HS6ST3: variants seen among roughly 807,000 people sequenced by gnomAD.
The protein encoded by HS6ST3 is heparan-sulfate 6-O-sulfotransferase 3.
HS6ST3 carries 12 observed loss-of-function variants against 36.7 expected under a neutral mutation model. The ratio of observed to expected loss-of-function variants is 0.33; its 90% CI spans 0.21 to 0.53. The LOEUF (loss-of-function observed/expected upper bound fraction) is 0.53, where lower values mean the gene tolerates loss of function less well. Ranked by LOEUF, HS6ST3 falls within the 20% of genes least tolerant of loss-of-function variation. HS6ST3 has a pLI of 0.95. For synonymous variants in HS6ST3, 240 were observed against 257.5 expected, an observed-to-expected ratio of 0.93 and a Z score of 0.65; for missense variants, 584 against 640.9, an observed-to-expected ratio of 0.91 and a Z score of 0.96.
At chr13:96,518,125 T>C (rs967509660) in intron 1 of HS6ST3, among the ~76,000 whole-genome samples, 2 of 152,198 alleles carry the variant, frequency 1.3e-5, no homozygotes, top group African/African-American at 4.8e-5. Flanking sequence ...CATGCACCTT[T>C]CTTAAAGGCA....
At chr13:96,351,316 C>T (rs2055182322) in intron 1 of HS6ST3, among the ~76,000 whole-genome samples, 1 of 77,422 alleles carries the variant, frequency 1.3e-5, no homozygotes. Flanking sequence ...GGGAAGGTGG[C>T]AGTCTTTTTT....
intron 1 of HS6ST3, among the ~76,000 whole-genome samples, chr13:96,771,629 T>G (rs1352480473): frequency 6.6e-6 from 1 of 152,132 alleles, no homozygotes; most frequent in Non-Finnish European, 1.5e-5. Flanking sequence ...AAATGTGCGT[T>G]ATTTCCTCTT....
chr13:96,700,797 T>C (rs959317113), intron 1 of HS6ST3, among the ~76,000 whole-genome samples: 1 of 152,150 alleles, frequency 6.6e-6, no homozygotes, highest in African/African-American at 2.4e-5. Flanking sequence ...ATTTGCAAAA[T>C]TGTTTCCTTC....
intron 1 of HS6ST3, among the ~76,000 whole-genome samples, chr13:96,099,021 GC>G (rs1341190294): frequency 6.6e-6 from 1 of 152,126 alleles, no homozygotes; most frequent in Non-Finnish European, 1.5e-5. Flanking sequence ...TCTGCTCACT[GC>G]AACCTCCGCC....
At chr13:96,455,247 A>G (rs1223340921) in intron 1 of HS6ST3, among the ~76,000 whole-genome samples, 2 of 152,130 alleles carry the variant, frequency 1.3e-5, no homozygotes, top group Non-Finnish European at 1.5e-5. Flanking sequence ...TTGTTTTTAG[A>G]CAGCGTCTCA....
At chr13:96,588,951 T>G (rs959404111) in intron 1 of HS6ST3, among the ~76,000 whole-genome samples, 2 of 150,638 alleles carry the variant, frequency 1.3e-5, no homozygotes, top group African/African-American at 4.9e-5. Context: ...CTCCAGAGGC[T>G]GAGGCAGGAG....
chr13:96,752,973 G>T (rs1219210696), intron 1 of HS6ST3, among the ~76,000 whole-genome samples: 2 of 152,104 alleles, frequency 1.3e-5, no homozygotes, highest in Non-Finnish European at 2.9e-5. Context: ...TTCAAATATT[G>T]TTTCCCCCAC....
intron 1 of HS6ST3, among the ~76,000 whole-genome samples, chr13:96,594,122 G>A (rs1399097387): frequency 1.3e-5 from 2 of 151,952 alleles, no homozygotes; most frequent in African/African-American, 4.8e-5. Flanking sequence ...ACAGGCATGT[G>A]CCACCATGCC....
chr13:96,594,581 A>G (rs1253792152), intron 1 of HS6ST3, among the ~76,000 whole-genome samples: 1 of 152,210 alleles, frequency 6.6e-6, no homozygotes, highest in Non-Finnish European at 1.5e-5. Flanking sequence ...TCTGACACAC[A>G]CACGTGTACA....
At chr13:96,328,559 G>C (rs928430817) in intron 1 of HS6ST3, among the ~76,000 whole-genome samples, 17 of 151,954 alleles carry the variant, frequency 1.1e-4, no homozygotes, top group African/African-American at 4.1e-4. Flanking sequence ...TGAGCTTTTT[G>C]ATGTGCTGCT....
At chr13:96,737,844 A>AC (rs1164497094) in intron 1 of HS6ST3, among the ~76,000 whole-genome samples, 1 of 151,300 alleles carries the variant, frequency 6.6e-6, no homozygotes, top group Non-Finnish European at 1.5e-5. Context: ...TTTGGCTCTG[A>AC]CCCCCCTCCC....
intron 1 of HS6ST3, among the ~76,000 whole-genome samples, chr13:96,824,264 C>T (rs1004588973): frequency 6.6e-6 from 1 of 152,236 alleles, no homozygotes; most frequent in Non-Finnish European, 1.5e-5. Flanking sequence ...GTGCGACGCA[C>T]ATGGCTTCTG....
chr13:96,186,208 A>C (rs1399882160), intron 1 of HS6ST3, among the ~76,000 whole-genome samples: 1 of 152,178 alleles, frequency 6.6e-6, no homozygotes, highest in Non-Finnish European at 1.5e-5. Context: ...GAGGTTTTGC[A>C]AAGTGTTTTC....
In HS6ST3 at chr13:96,090,942, C is replaced by A. The variant is rs746053200; in HGVS notation, c.80C>A (p.Ser27Tyr). 2.0e-6 allele frequency: 3 copies of A among 1,481,002 alleles called. No homozygotes were observed. The highest frequency in any genetic ancestry group is 2.8e-5 in the East Asian group (1 of 35,276). 91.7% of individuals were successfully genotyped at this position (1,481,002 alleles called of 1,614,324 possible). A position where few individuals can be genotyped will look rare whatever the true frequency, so the allele number is the denominator to read the frequency against. The stretch of plus-strand genomic sequence containing the variant: ...GTGGTCATCATGTACCAGTACGTGT[C>A]CCCCTCCTGCACCAGCTCCTGCACC... ...LFVVIMYQYV[S>Y]PSCTSSCTNF... The change falls in exon 1 of 2, where the codon TCC (serine) becomes TAC (tyrosine). Residue 27 changes from serine to tyrosine, a missense_variant. This residue lies in a region of HS6ST3 where 217 missense variants were observed against 205.4 expected (regional missense o/e 1.06). Coordinates refer to ENST00000376705, the MANE Select transcript of HS6ST3 (RefSeq NM_153456.4).
chr13:96,539,923 C>G (rs1485054625), intron 1 of HS6ST3, among the ~76,000 whole-genome samples: 1 of 152,182 alleles, frequency 6.6e-6, no homozygotes, highest in Non-Finnish European at 1.5e-5. Context: ...TTTCCTGTAG[C>G]CCAGGGACTA....
chr13:96,092,147 A>G lies in HS6ST3; in HGVS notation c.707+578A>G, dbSNP rs114569470. Among the ~76,000 whole-genome samples, 118 of 152,150 alleles carry G rather than the reference A, an allele frequency of 7.8e-4. 1 individual carries two copies. Among genetic ancestry groups the G allele is most frequent in the African/African-American group, 2.7e-3 (113 of 41,504 alleles). ...AATTCCTGTTCTACCGCGATAGATA[A>G]CTCTAATTCTGGAGATGGTCTTTGT... On this transcript the variant is annotated intron_variant, in intron 1 of 1. Transcript: ENST00000376705.
rs535880920 is a variant in HS6ST3 at position 96,359,350 on chromosome 13, A to C, written c.707+267781A>C. Among the ~76,000 whole-genome samples the C allele has an allele frequency of 3.1e-4, 47 of 152,344 alleles. 1 individual carries two copies. The highest frequency in any genetic ancestry group is 3.4e-3 in the Middle Eastern group (1 of 294). On this transcript the variant is annotated intron_variant, in intron 1 of 1. Coordinates refer to ENST00000376705, the MANE Select transcript of HS6ST3 (RefSeq NM_153456.4). ...TGACTGTCAGAGTATTGAACAGCTC[A>C]TCATAAAAGATGTTTGCTTTTAAAA...
intron 1 of HS6ST3, among the ~76,000 whole-genome samples, chr13:96,464,239 A>G (rs1464498120): frequency 6.7e-6 from 1 of 148,796 alleles, no homozygotes; most frequent in Non-Finnish European, 1.5e-5. Context: ...TTGCTTCCTT[A>G]CCCCCCTACC....
chr13:96,774,807 A>G (rs1247310643), intron 1 of HS6ST3, among the ~76,000 whole-genome samples: 3 of 152,208 alleles, frequency 2.0e-5, no homozygotes, highest in South Asian at 2.1e-4. Flanking sequence ...ACAGGCCGAC[A>G]TTCAAATTCA....
Sources: allele counts gnomAD v4.1 joint callset (sites outside exome capture counted in the v4.1 genomes callset), GRCh38; gene constraint gnomAD v4.1.1; regional missense constraint gnomAD v4.1.1; transcripts MANE v1.5; gene names NCBI Gene and HGNC (gene_info 2026-07-23, HGNC 2026-07-21).